CSMD1: variants seen among roughly 807,000 people sequenced by gnomAD.
CSMD1 encodes the protein CUB and sushi domain-containing protein 1.
Under a neutral mutation model 417.5 loss-of-function variants are expected in CSMD1, and 213 were observed. The observed-to-expected ratio is 0.51, with a 90% CI of 0.46 to 0.57. The LOEUF is 0.57. CSMD1 is among the 20% of genes least tolerant of loss of function. The pLI is 0.00. For missense variants in CSMD1, 6,923 were observed against 4,529.7 expected, an observed-to-expected ratio of 1.53 and a Z score of -15.17; for synonymous variants, 2,862 against 1,736.8, an observed-to-expected ratio of 1.65 and a Z score of -16.11.
intron 4 of CSMD1, among the ~76,000 whole-genome samples, chr8:4,017,188 A>T (rs570341047): frequency 2.6e-5 from 4 of 152,148 alleles, no homozygotes; most frequent in Non-Finnish European, 5.9e-5. Context: ...TTCCTTCTAG[A>T]TATCTTTTTT....
intron 33 of CSMD1, among the ~76,000 whole-genome samples, chr8:3,193,031 G>C (rs1796509714): frequency 6.6e-6 from 1 of 152,072 alleles, no homozygotes; most frequent in African/African-American, 2.4e-5. Context: ...ACTTACACTG[G>C]ATTGCTTACA....
At chr8:4,907,885 C>T (rs979171602) in intron 1 of CSMD1, among the ~76,000 whole-genome samples, 2 of 151,996 alleles carry the variant, frequency 1.3e-5, no homozygotes, top group Admixed American at 6.6e-5. Context: ...TTAATTATAT[C>T]CTGCAGCCAT....
intron 10 of CSMD1, among the ~76,000 whole-genome samples, chr8:3,540,880 C>G (rs1798408750): frequency 1.3e-5 from 2 of 152,168 alleles, no homozygotes; most frequent in Non-Finnish European, 2.9e-5. Context: ...CAAGAAACAA[C>G]AGATGCCGGC....
chr8:3,070,815 AGCAATGTC>A (rs1262256153), intron 49 of CSMD1, among the ~76,000 whole-genome samples: 1 of 152,212 alleles, frequency 6.6e-6, no homozygotes, highest in African/African-American at 2.4e-5. Context: ...GTATCTTTAT[AGCAATGTC>A]CCACTCCTTG....
chr8:4,146,593 C>CCTTTTT (rs1208930261), intron 3 of CSMD1, among the ~76,000 whole-genome samples: 1 of 90,742 alleles, frequency 1.1e-5, no homozygotes. Flanking sequence ...TATATGGACA[C>CCTTTTT]ATTTTTTTTT....
intron 3 of CSMD1, among the ~76,000 whole-genome samples, chr8:4,128,556 C>T (rs1802902219): frequency 6.6e-6 from 1 of 152,138 alleles, no homozygotes; most frequent in East Asian, 1.9e-4. Context: ...ACAGATAACA[C>T]ATCTCATCTC....
chr8:3,210,723 T>C (rs545807512), intron 30 of CSMD1, among the ~76,000 whole-genome samples: 14 of 150,418 alleles, frequency 9.3e-5, no homozygotes, highest in South Asian at 2.1e-4. Context: ...TGTATACATA[T>C]ATACTTTTTC....
At chr8:4,955,301 G>C (rs77293935) in intron 1 of CSMD1, among the ~76,000 whole-genome samples, 2,453 of 152,114 alleles carry the variant, frequency 0.016, 93 homozygotes, top group East Asian at 0.15. Context: ...TAATTAATTT[G>C]TATTTTAAAA....
chr8:3,808,210 C>G (rs542263536), intron 5 of CSMD1, among the ~76,000 whole-genome samples: 1 of 152,094 alleles, frequency 6.6e-6, no homozygotes, highest in African/African-American at 2.4e-5. Context: ...CATCTGTGAT[C>G]TAAAATATAC....
At chr8:3,091,767 C>G in intron 47 of CSMD1, 105 bp from the exon 48 acceptor site, 1 of 904,076 alleles carries the variant, frequency 1.1e-6, no homozygotes. Flanking sequence ...GTGCAATACA[C>G]AGATATAATT....
intron 2 of CSMD1, among the ~76,000 whole-genome samples, chr8:4,421,590 G>A (rs1193010578): frequency 6.6e-6 from 1 of 151,816 alleles, no homozygotes; most frequent in East Asian, 1.9e-4. Flanking sequence ...AATAATCCAG[G>A]GGCCAAAGAG....
At chr8:3,664,247 T>C (rs147327203) in intron 7 of CSMD1, among the ~76,000 whole-genome samples, 182 of 152,276 alleles carry the variant, frequency 1.2e-3, no homozygotes, top group African/African-American at 3.3e-3. Context: ...AGTGTTCTCA[T>C]TGTTCAATTC....
chr8:3,805,195 T>C (rs1277067880), intron 5 of CSMD1, among the ~76,000 whole-genome samples: 5 of 152,036 alleles, frequency 3.3e-5, no homozygotes, highest in Non-Finnish European at 5.9e-5. Flanking sequence ...GACTACAACA[T>C]GACAAGGGAA....
chr8:3,735,509 A>C (rs1234502748), intron 6 of CSMD1, among the ~76,000 whole-genome samples: 1 of 152,206 alleles, frequency 6.6e-6, no homozygotes, highest in Non-Finnish European at 1.5e-5. Flanking sequence ...TGTATTAGCT[A>C]CTGATTCTGT....
intron 7 of CSMD1, among the ~76,000 whole-genome samples, chr8:3,678,305 T>C (rs1366938105): frequency 6.6e-6 from 1 of 152,132 alleles, no homozygotes; most frequent in African/African-American, 2.4e-5. Context: ...ATTAGACGAA[T>C]GGCTAACTAG....
intron 2 of CSMD1, among the ~76,000 whole-genome samples, chr8:4,535,764 T>C (rs775340875): frequency 9.2e-5 from 14 of 152,210 alleles, no homozygotes; most frequent in Non-Finnish European, 2.1e-4. Flanking sequence ...AATAGGTTAG[T>C]TCATGCTTCT....
At chr8:3,454,019 A>G (rs1815935907) in intron 12 of CSMD1, among the ~76,000 whole-genome samples, 1 of 152,154 alleles carries the variant, frequency 6.6e-6, no homozygotes. Flanking sequence ...ATATATATTT[A>G]GGATAGTTAG....
chr8:4,281,264 G>C (rs752314101), intron 3 of CSMD1, among the ~76,000 whole-genome samples: 1 of 152,132 alleles, frequency 6.6e-6, no homozygotes, highest in Non-Finnish European at 1.5e-5. Flanking sequence ...ATAACCTCTC[G>C]ACAGCATTAT....
intron 5 of CSMD1, among the ~76,000 whole-genome samples, chr8:3,811,657 C>T (rs1031111669): frequency 2.0e-5 from 3 of 152,116 alleles, no homozygotes; most frequent in African/African-American, 2.4e-5. Context: ...TTGCCACCAT[C>T]TATGCCAGGA....
Sources: allele counts gnomAD v4.1 joint callset (sites outside exome capture counted in the v4.1 genomes callset), GRCh38; gene constraint gnomAD v4.1.1; transcripts MANE v1.5; gene names NCBI Gene and HGNC (gene_info 2026-07-23, HGNC 2026-07-21).